The following CCDC146 variants were observed in gnomAD, a reference collection of about 807,000 sequenced individuals.
CCDC146 encodes coiled-coil domain-containing protein 146.
A neutral mutation model predicts 119.3 loss-of-function variants in CCDC146; 92 were observed. The observed-to-expected ratio is 0.77, with a 90% CI of 0.65 to 0.92. The LOEUF (loss-of-function observed/expected upper bound fraction) is 0.92. Among genes scored for constraint, CCDC146 ranks in the 40% least tolerant of loss-of-function variants. The pLI, the probability that CCDC146 is intolerant of heterozygous loss-of-function variation, is 0.00. For synonymous variants in CCDC146, 372 were observed against 371.8 expected (o/e 1.00, Z -0.01); for missense variants, 1,000 against 1,103.0 (o/e 0.91, Z 1.32).
intron 2 of CCDC146, chr7:77,194,366 G>A (rs576460855): frequency 5.9e-5 from 9 of 152,060 alleles, no homozygotes; most frequent in South Asian, 2.1e-4. Context: ...AAAAAACAAC[G>A]TCAGTTACAT....
At chr7:77,217,625 T>C (rs1269935466) in intron 2 of CCDC146, among the ~76,000 whole-genome samples, 1 of 151,790 alleles carries the variant, frequency 6.6e-6, no homozygotes, top group Non-Finnish European at 1.5e-5. Flanking sequence ...ATGTGTCACT[T>C]AAGAAGGATA....
Position 77,294,728 on chromosome 7 carries a change from GA to G in CCDC146, c.2732del (p.Asn911MetfsTer32). The G allele has an allele frequency of 6.2e-7, 1 of 1,614,166 alleles. No homozygotes were observed. Among genetic ancestry groups the G allele is most frequent in the Non-Finnish European group, 8.5e-7 (1 of 1,180,030 alleles). ...GVYTTAEQRP[N>X]AYIPEADATL... is the part of the protein sequence containing the mutation. ...TTTACACAACTGCAGAGCAGCGTCC[GA>G]ATGCCTACATCCCAGAAGCAGATGC... On this transcript the variant is annotated frameshift_variant, in exon 19 of 19. Coordinates refer to ENST00000285871, the MANE Select transcript of CCDC146 (RefSeq NM_020879.3). LOFTEE classifies it high-confidence loss of function.
intron 1 of CCDC146, among the ~76,000 whole-genome samples, chr7:77,156,228 C>T (rs1306671158): frequency 1.3e-5 from 2 of 152,188 alleles, no homozygotes. Context: ...CAGATATGCA[C>T]TTGAAGCTTT....
intron 15 of CCDC146, among the ~76,000 whole-genome samples, chr7:77,286,418 A>C (rs538690192): frequency 6.6e-6 from 1 of 152,172 alleles, no homozygotes; most frequent in Non-Finnish European, 1.5e-5. Flanking sequence ...ATATTCATTC[A>C]ACATGAGATT....
chr7:77,226,018 G>A (rs1365498112), intron 2 of CCDC146, among the ~76,000 whole-genome samples: 2 of 152,152 alleles, frequency 1.3e-5, no homozygotes, highest in Non-Finnish European at 2.9e-5. Flanking sequence ...GGAAAAGGTA[G>A]GAGAGCATAT....
intron 15 of CCDC146, among the ~76,000 whole-genome samples, chr7:77,283,170 T>C (rs1793792546): frequency 6.6e-6 from 1 of 152,134 alleles, no homozygotes; most frequent in African/African-American, 2.4e-5. Flanking sequence ...CTTTTGATAC[T>C]CTGGCCCCCA....
In CCDC146 at chr7:77,294,854, A is replaced by C; in HGVS notation, c.2856A>C (p.Pro952=). Residue 952 remains proline, a synonymous_variant, in exon 19 of 19, where the codon CCA becomes CCC. Transcript: ENST00000285871. ...ACATAAGGAAACCTGTTATAAAGCC[A>C]GTTGAAATCTGAATATGTGAACAAA... ...MRHIRKPVIK[P]VEI The C allele has an allele frequency of 1.9e-6, 3 of 1,613,672 alleles. No individual in the cohort carries two copies. Among genetic ancestry groups the C allele is most frequent in the South Asian group, 2.2e-5 (2 of 91,050 alleles).
At chr7:77,230,992 A>G (rs954966904) in intron 2 of CCDC146, among the ~76,000 whole-genome samples, 1 of 152,214 alleles carries the variant, frequency 6.6e-6, no homozygotes, top group Non-Finnish European at 1.5e-5. Flanking sequence ...TGGTCCAAAA[A>G]TATTAAGTGG....
intron 2 of CCDC146, among the ~76,000 whole-genome samples, chr7:77,200,137 C>T (rs777232889): frequency 6.6e-6 from 1 of 152,190 alleles, no homozygotes; most frequent in African/African-American, 2.4e-5. Flanking sequence ...TTATACGTAA[C>T]TTCACTGGAA....
At chr7:77,182,980 T>C (rs1791612467) in intron 2 of CCDC146, among the ~76,000 whole-genome samples, 1 of 151,968 alleles carries the variant, frequency 6.6e-6, no homozygotes. Context: ...CCGAGCCTTC[T>C]CCCTCCAACC....
At chr7:77,286,715 A>T in intron 15 of CCDC146, 83 bp from the exon 16 acceptor site, 1 of 1,426,152 alleles carries the variant, frequency 7.0e-7, no homozygotes, top group South Asian at 1.3e-5. Flanking sequence ...CTACTAAAAA[A>T]CTCTCAAGAC....
chr7:77,199,435 C>T, intron 2 of CCDC146: 1 of 1,614,170 alleles, frequency 6.2e-7, no homozygotes, highest in Non-Finnish European at 8.5e-7. Context: ...TCCCGGGGCT[C>T]CTGTACTGGG....
intron 5 of CCDC146, among the ~76,000 whole-genome samples, chr7:77,255,075 A>G (rs1389849491): frequency 2.0e-5 from 3 of 152,154 alleles, no homozygotes; most frequent in East Asian, 1.9e-4. Flanking sequence ...CCATTCATAT[A>G]CCAGCCATTT....
intron 6 of CCDC146, 130 bp downstream of exon 6, chr7:77,256,639 A>T: frequency 1.4e-6 from 1 of 695,202 alleles, no homozygotes; most frequent in Non-Finnish European, 2.4e-6. Context: ...CTGCATTGCG[A>T]TTGATCCTAT....
intron 4 of CCDC146, among the ~76,000 whole-genome samples, chr7:77,250,662 C>G (rs3108421): frequency 0.81 from 123,458 of 151,972 alleles, 51,691 homozygotes; most frequent in South Asian, 0.94. Flanking sequence ...TGAGCTTCCT[C>G]GATCTGTAGT....
intron 15 of CCDC146, among the ~76,000 whole-genome samples, chr7:77,285,569 G>A (rs973486632): frequency 6.6e-6 from 1 of 152,168 alleles, no homozygotes; most frequent in Non-Finnish European, 1.5e-5. Flanking sequence ...CCATGGCACT[G>A]AGCCTTTTCT....
intron 17 of CCDC146, among the ~76,000 whole-genome samples, 195 bp from the exon 18 acceptor site, chr7:77,292,757 T>G (rs1451146679): frequency 6.6e-6 from 1 of 152,186 alleles, no homozygotes; most frequent in East Asian, 1.9e-4. Flanking sequence ...TCTCTCCTTG[T>G]CCTTACTTAC....
At chr7:77,231,659 A>G (rs376364108) in intron 2 of CCDC146, among the ~76,000 whole-genome samples, 1 of 152,022 alleles carries the variant, frequency 6.6e-6, no homozygotes, top group African/African-American at 2.4e-5. Flanking sequence ...ATTTCTTCTT[A>G]CTGACAATCT....
chr7:77,200,525 C>A (rs1211123602), intron 2 of CCDC146, among the ~76,000 whole-genome samples: 1 of 152,204 alleles, frequency 6.6e-6, no homozygotes, highest in Non-Finnish European at 1.5e-5. Context: ...CTCCTTTGCC[C>A]TTCGACATTT....
Sources: allele counts gnomAD v4.1 joint callset (sites outside exome capture counted in the v4.1 genomes callset), GRCh38; gene constraint gnomAD v4.1.1; transcripts MANE v1.5; gene names NCBI Gene and HGNC (gene_info 2026-07-23, HGNC 2026-07-21).